Variants in SCHIP1 observed in about 807,000 individuals in gnomAD.
The protein encoded by SCHIP1 is schwannomin-interacting protein 1.
A neutral mutation model predicts 29.7 loss-of-function variants in SCHIP1; 8 were observed. That is an observed-to-expected ratio of 0.27 (90% CI 0.16 to 0.49). The LOEUF is 0.49. Among genes scored for constraint, SCHIP1 ranks in the 20% least tolerant of loss-of-function variants. SCHIP1 has a pLI of 0.99. For missense variants in SCHIP1, 193 were observed against 294.6 expected (o/e 0.66, Z 2.52); for synonymous variants, 76 against 94.9 (o/e 0.80, Z 1.16).
At chr3:159,770,985 A>G in the SCHIP1 span, among the ~76,000 whole-genome samples, 1 of 152,212 alleles carries the variant, frequency 6.6e-6, no homozygotes, top group Non-Finnish European at 1.5e-5. Context: ...CATTTTCCTC[A>G]TTTAATGAGA....
chr3:159,345,341 A>G, the SCHIP1 span, among the ~76,000 whole-genome samples: 1 of 152,198 alleles, frequency 6.6e-6, no homozygotes, highest in Non-Finnish European at 1.5e-5. Context: ...GATACTAAAT[A>G]TTGTGGCACT....
At chr3:159,437,816 T>C in the SCHIP1 span, among the ~76,000 whole-genome samples, 1 of 152,156 alleles carries the variant, frequency 6.6e-6, no homozygotes, top group Non-Finnish European at 1.5e-5. Context: ...AAATTTCTCA[T>C]ATTTAATCAT....
chr3:159,561,517 T>C, the SCHIP1 span, among the ~76,000 whole-genome samples: 2 of 152,224 alleles, frequency 1.3e-5, no homozygotes, highest in Non-Finnish European at 2.9e-5. Flanking sequence ...ATTCTGCTCT[T>C]GACCTTAAAG....
chr3:159,896,981 A>G, exon 7 of SCHIP1: 1 of 462,494 alleles, frequency 2.2e-6, no homozygotes, highest in Non-Finnish European at 3.7e-6. Flanking sequence ...TTAATAAAAT[A>G]TTGTTACAAA....
chr3:159,734,505 A>G, the SCHIP1 span, among the ~76,000 whole-genome samples: 2 of 152,054 alleles, frequency 1.3e-5, no homozygotes, highest in Non-Finnish European at 2.9e-5. Context: ...TGTCTTCCCA[A>G]ACATTTCACT....
chr3:159,690,580 C>T, the SCHIP1 span, among the ~76,000 whole-genome samples: 2 of 151,878 alleles, frequency 1.3e-5, no homozygotes, highest in Non-Finnish European at 2.9e-5. Context: ...AAGGTTTTTT[C>T]GTACCTCTAT....
chr3:159,425,111 G>T, the SCHIP1 span, among the ~76,000 whole-genome samples: 1 of 151,738 alleles, frequency 6.6e-6, no homozygotes, highest in African/African-American at 2.4e-5. Context: ...AGACCATCGA[G>T]ACTAGGAAGA....
the SCHIP1 span, among the ~76,000 whole-genome samples, chr3:159,336,245 C>T: frequency 6.6e-6 from 1 of 151,946 alleles, no homozygotes; most frequent in Non-Finnish European, 1.5e-5. Flanking sequence ...TGGATATTAG[C>T]CCTTTGTCAG....
At chr3:159,626,129 GA>G in the SCHIP1 span, among the ~76,000 whole-genome samples, 2 of 115,176 alleles carry the variant, frequency 1.7e-5, no homozygotes, top group East Asian at 5.4e-4. Context: ...TAGATAGATA[GA>G]TAGATAGATA....
At chr3:159,889,462 G>T (rs1385142271) in intron 5 of SCHIP1, among the ~76,000 whole-genome samples, 1 of 152,182 alleles carries the variant, frequency 6.6e-6, no homozygotes, top group Non-Finnish European at 1.5e-5. Context: ...GTGGCCACAG[G>T]GAGTGGTGAG....
At chr3:159,401,448 G>A in the SCHIP1 span, 679 of 732,040 alleles carry the variant, frequency 9.3e-4, 19 homozygotes, top group East Asian at 0.064. Context: ...TTACCCTCTC[G>A]TTATATGCCT....
At chr3:159,288,444 G>A in the SCHIP1 span, among the ~76,000 whole-genome samples, 1 of 152,120 alleles carries the variant, frequency 6.6e-6, no homozygotes, top group African/African-American at 2.4e-5. Context: ...GATCTTAGAG[G>A]CATGTGCACT....
At position 159,850,250 on chromosome 3, in the gene SCHIP1, A is replaced by G. The variant is rs538039743; in HGVS notation, c.30+10036A>G. ...CAGGGAGCTGTATTAGTCCATTGTT[A>G]CACTGCTATATAGAAATACCTGGCC... On this transcript the variant is annotated intron_variant, in intron 1 of 6. Transcript: ENST00000445224. Among the ~76,000 whole-genome samples the G allele has an allele frequency of 3.4e-3, 513 of 152,232 alleles. 2 individuals carry two copies. Among genetic ancestry groups the G allele is most frequent in the African/African-American group, 0.012 (498 of 41,544 alleles).
chr3:159,316,579 G>A, the SCHIP1 span, among the ~76,000 whole-genome samples: 42 of 152,174 alleles, frequency 2.8e-4, no homozygotes, highest in Admixed American at 1.5e-3. Context: ...AGTATTAACC[G>A]TCACAAGTCC....
At chr3:159,536,719 G>T in the SCHIP1 span, among the ~76,000 whole-genome samples, 3 of 152,170 alleles carry the variant, frequency 2.0e-5, no homozygotes, top group Non-Finnish European at 4.4e-5. Context: ...AAATAGGAAG[G>T]TCAGTTCAGG....
chr3:159,424,569 TTTACCTGAAA>T, the SCHIP1 span, among the ~76,000 whole-genome samples: 10 of 152,116 alleles, frequency 6.6e-5, no homozygotes, highest in Non-Finnish European at 1.2e-4. Flanking sequence ...ATCTAACTGG[TTTACCTGAAA>T]GTGACGGGGA....
At chr3:159,516,566 C>G in the SCHIP1 span, among the ~76,000 whole-genome samples, 1 of 152,180 alleles carries the variant, frequency 6.6e-6, no homozygotes, top group African/African-American at 2.4e-5. Flanking sequence ...TCCAACCCCT[C>G]CTTCCATTCT....
At chr3:159,446,518 C>T in the SCHIP1 span, among the ~76,000 whole-genome samples, 1 of 150,514 alleles carries the variant, frequency 6.6e-6, no homozygotes, top group East Asian at 1.9e-4. Flanking sequence ...AGTATTGTTG[C>T]ATTACAGCAA....
chr3:159,856,884 A>G (rs749625023), intron 1 of SCHIP1, among the ~76,000 whole-genome samples: 13 of 152,242 alleles, frequency 8.5e-5, no homozygotes, highest in East Asian at 1.9e-4. Context: ...ACAGAATGCC[A>G]GCTGCCATTC....
Sources: allele counts gnomAD v4.1 joint callset (sites outside exome capture counted in the v4.1 genomes callset), GRCh38; gene constraint gnomAD v4.1.1; transcripts MANE v1.5; gene names NCBI Gene and HGNC (gene_info 2026-07-23, HGNC 2026-07-21).